The following SNX29 variants were observed in gnomAD, a reference collection of about 807,000 sequenced individuals.
SNX29 encodes the protein sorting nexin-29.
Under a neutral mutation model 102.1 loss-of-function variants are expected in SNX29, and 78 were observed. The ratio of observed to expected loss-of-function variants is 0.76; its 90% CI spans 0.64 to 0.92. SNX29 has a LOEUF of 0.92. Among genes scored for constraint, SNX29 ranks in the 40% least tolerant of loss-of-function variants. The pLI is 0.00. For missense variants in SNX29, 1,280 were observed against 1,061.7 expected, an observed-to-expected ratio of 1.21 and a Z score of -2.86; for synonymous variants, 580 against 414.5, an observed-to-expected ratio of 1.40 and a Z score of -4.85.
At chr16:12,115,129 A>G (rs2053643831) in intron 11 of SNX29, among the ~76,000 whole-genome samples, 1 of 152,112 alleles carries the variant, frequency 6.6e-6, no homozygotes, top group South Asian at 2.1e-4. Context: ...TTGGCAGTGG[A>G]TGAAAAATTG....
intron 14 of SNX29, among the ~76,000 whole-genome samples, chr16:12,274,400 AT>A (rs1407421965): frequency 6.6e-6 from 1 of 152,308 alleles, no homozygotes; most frequent in African/African-American, 2.4e-5. Flanking sequence ...TTTGCTGGAC[AT>A]TCATTGAACT....
chr16:12,248,216 G>T (rs2078316578), intron 14 of SNX29, among the ~76,000 whole-genome samples: 1 of 152,138 alleles, frequency 6.6e-6, no homozygotes, highest in Non-Finnish European at 1.5e-5. Flanking sequence ...TCCTGAGCCT[G>T]GCCCTCATCC....
chr16:12,066,557 C>T (rs1268258632), intron 9 of SNX29, among the ~76,000 whole-genome samples: 1 of 152,146 alleles, frequency 6.6e-6, no homozygotes, highest in Non-Finnish European at 1.5e-5. Flanking sequence ...AGGGCTTGAG[C>T]ACTGTCGTCT....
chr16:12,409,708 T>G (rs1021715260), intron 18 of SNX29, among the ~76,000 whole-genome samples: 1 of 152,166 alleles, frequency 6.6e-6, no homozygotes, highest in African/African-American at 2.4e-5. Flanking sequence ...TGTTAGGCCT[T>G]AAAAAAGCTC....
intron 18 of SNX29, among the ~76,000 whole-genome samples, chr16:12,433,086 A>G (rs1213563131): frequency 2.0e-5 from 3 of 152,154 alleles, no homozygotes; most frequent in Non-Finnish European, 2.9e-5. Context: ...AACAAAACCA[A>G]TCACATGCTT....
rs576211879 is a variant in SNX29, at chr16:12,559,596, T to A, written c.2319-8910T>A. 6.6e-5 allele frequency among the ~76,000 whole-genome samples: 10 copies of A among 151,720 alleles called. No homozygotes were observed. The South Asian group carries it at 1.2e-3, about 19-fold the overall frequency. On this transcript the variant is annotated intron_variant, in intron 20 of 20. Transcript: ENST00000566228. ...TAACTCATCCCTGGTGCCAAAAAGG[T>A]TGGGGACTGCTGCCACGTGACCTTG...
chr16:12,412,778 C>T (rs928910703), intron 18 of SNX29, among the ~76,000 whole-genome samples: 1 of 152,194 alleles, frequency 6.6e-6, no homozygotes, highest in Non-Finnish European at 1.5e-5. Flanking sequence ...GGTGGACACA[C>T]CCTCTTGGCA....
intron 20 of SNX29, among the ~76,000 whole-genome samples, chr16:12,550,532 A>C (rs1001520226): frequency 1.5e-4 from 9 of 58,650 alleles, no homozygotes; most frequent in African/African-American, 2.8e-4. Flanking sequence ...CTCAATCTAC[A>C]AAAAAAAAAA....
At chr16:12,176,936 G>GT (rs112467182) in intron 13 of SNX29, among the ~76,000 whole-genome samples, 2,837 of 151,024 alleles carry the variant, frequency 0.019, 56 homozygotes, top group Middle Eastern at 0.058. Context: ...GCTGTTCAGG[G>GT]TTTTTTTTTG....
chr16:12,419,946 C>A (rs1341603057), intron 18 of SNX29, among the ~76,000 whole-genome samples: 2 of 152,246 alleles, frequency 1.3e-5, no homozygotes, highest in African/African-American at 4.8e-5. Context: ...CAGCCCACGT[C>A]CACTGAAGCC....
chr16:12,541,562 C>T (rs1051467995), intron 20 of SNX29, among the ~76,000 whole-genome samples: 1 of 152,264 alleles, frequency 6.6e-6, no homozygotes, highest in East Asian at 1.9e-4. Flanking sequence ...TTTCAAGCTG[C>T]CAAATTGCTC....
At chr16:12,101,942 G>A (rs145372431) in intron 11 of SNX29, among the ~76,000 whole-genome samples, 2,398 of 152,094 alleles carry the variant, frequency 0.016, 73 homozygotes, top group African/African-American at 0.055. Flanking sequence ...ACAGGCCCCA[G>A]TGTGTGATGT....
intron 15 of SNX29, among the ~76,000 whole-genome samples, chr16:12,284,721 CTTTT>C (rs879835967): frequency 6.9e-6 from 1 of 145,182 alleles, no homozygotes; most frequent in Non-Finnish European, 1.5e-5. Context: ...GTTTCGGTTC[CTTTT>C]TTTTTTTTCT....
At chr16:12,379,784 T>C (rs1021758020) in intron 16 of SNX29, among the ~76,000 whole-genome samples, 8 of 152,120 alleles carry the variant, frequency 5.3e-5, no homozygotes, top group Non-Finnish European at 1.0e-4. Flanking sequence ...AGGGCTCTAA[T>C]TGAGGGTTTT....
chr16:12,017,895 G>T (rs1362430169), intron 3 of SNX29, among the ~76,000 whole-genome samples: 4 of 151,804 alleles, frequency 2.6e-5, no homozygotes, highest in African/African-American at 9.7e-5. Flanking sequence ...TTTGGGTGGG[G>T]GGGCTTTCTT....
chr16:12,548,684 C>T (rs939071008), intron 20 of SNX29, among the ~76,000 whole-genome samples: 3 of 152,200 alleles, frequency 2.0e-5, no homozygotes, highest in African/African-American at 4.8e-5. Flanking sequence ...GTTTAAAGCC[C>T]AGAGCACTGC....
chr16:12,359,191 A>T (rs569070714), intron 16 of SNX29, among the ~76,000 whole-genome samples: 118 of 152,330 alleles, frequency 7.7e-4, no homozygotes, highest in African/African-American at 2.7e-3. Context: ...ATTGAATCAG[A>T]GGACACCCAG....
At chr16:12,431,442 T>TTTTTG (rs2085312196) in intron 18 of SNX29, among the ~76,000 whole-genome samples, 2 of 151,938 alleles carry the variant, frequency 1.3e-5, no homozygotes, top group Non-Finnish European at 2.9e-5. Flanking sequence ...TTCTTTTTTT[T>TTTTTG]TTTTTGTTTT....
chr16:12,232,710 G>A (rs2077807384), intron 14 of SNX29, among the ~76,000 whole-genome samples: 1 of 152,156 alleles, frequency 6.6e-6, no homozygotes, highest in African/African-American at 2.4e-5. Context: ...TTGAGACAGA[G>A]TCTCACTCTG....
Sources: allele counts gnomAD v4.1 joint callset (sites outside exome capture counted in the v4.1 genomes callset), GRCh38; gene constraint gnomAD v4.1.1; transcripts MANE v1.5; gene names NCBI Gene and HGNC (gene_info 2026-07-23, HGNC 2026-07-21).